Variants in MYO10 observed in about 807,000 individuals in gnomAD.
MYO10 encodes unconventional myosin-X.
MYO10 carries 133 observed loss-of-function variants against 257.3 expected under a neutral mutation model. The ratio of observed to expected loss-of-function variants is 0.52; its 90% CI spans 0.45 to 0.60. The LOEUF (loss-of-function observed/expected upper bound fraction) is 0.60. Among genes scored for constraint, MYO10 ranks in the 20% least tolerant of loss-of-function variants. The probability of loss-of-function intolerance (pLI) is 0.00; values close to 1 mark genes in which losing one functional copy is unlikely to be tolerated. For missense variants in MYO10, 2,399 were observed against 2,635.7 expected (o/e 0.91, Z 1.97); for synonymous variants, 1,104 against 1,028.6 (o/e 1.07, Z -1.40).
chr5:16,902,225 T>A (rs970181464), intron 1 of MYO10: 20 of 673,342 alleles, frequency 3.0e-5, no homozygotes, highest in South Asian at 1.8e-4. Context: ...TTTTTTTTTT[T>A]AAAGTACAAT....
At chr5:16,686,581 C>A (rs1213736400) in intron 28 of MYO10, among the ~76,000 whole-genome samples, 1 of 151,768 alleles carries the variant, frequency 6.6e-6, no homozygotes, top group African/African-American at 2.4e-5. Flanking sequence ...CTTGCCCAAG[C>A]TGGAGTACAA....
chr5:16,832,903 C>T (rs1743201148), intron 2 of MYO10, among the ~76,000 whole-genome samples: 1 of 152,168 alleles, frequency 6.6e-6, no homozygotes, highest in African/African-American at 2.4e-5. Context: ...AAACCAGAGT[C>T]AACCTAAAAT....
intron 1 of MYO10, among the ~76,000 whole-genome samples, chr5:16,925,980 G>C (rs1035609193): frequency 6.6e-6 from 1 of 152,146 alleles, no homozygotes; most frequent in Admixed American, 6.5e-5. Context: ...ACTCAGTAGA[G>C]TGGCTATGGT....
intron 3 of MYO10, among the ~76,000 whole-genome samples, chr5:16,795,346 G>A (rs552374695): frequency 5.9e-5 from 9 of 152,234 alleles, no homozygotes; most frequent in Non-Finnish European, 1.3e-4. Context: ...GCTCATGCCT[G>A]TAATCCCAGC....
At chr5:16,855,205 T>C (rs543076175) in intron 2 of MYO10, among the ~76,000 whole-genome samples, 84 of 152,278 alleles carry the variant, frequency 5.5e-4, no homozygotes, top group African/African-American at 2.0e-3. Context: ...AAGATAGCAA[T>C]GAGCCAATAA....
intron 2 of MYO10, among the ~76,000 whole-genome samples, chr5:16,862,168 A>C (rs776454779): frequency 1.3e-5 from 2 of 152,130 alleles, no homozygotes; most frequent in African/African-American, 2.4e-5. Flanking sequence ...GGGATTCCCT[A>C]ATGTCAGAAC....
Position 16,668,146 on chromosome 5 carries a change from C to T in MYO10, c.6075+131G>A, listed in dbSNP as rs929543545. The stretch of plus-strand genomic sequence containing the variant: ...ACCGGCAGCTGGAAAGGGACCACCA[C>T]ACTGTATTTTCGTGTTTTGAAGAAA... On this transcript the variant is annotated intron_variant, in intron 40 of 40. Coordinates refer to ENST00000513610, the MANE Select transcript of MYO10 (RefSeq NM_012334.3). The T allele has an allele frequency of 1.5e-5, 14 of 953,302 alleles. 1 individual carries two copies. Among genetic ancestry groups the T allele is most frequent in the South Asian group, 1.9e-5 (1 of 52,402 alleles). The allele number at this position is 953,302 out of a possible 1,614,324, so 59.1% of individuals were successfully genotyped here.
intron 28 of MYO10, among the ~76,000 whole-genome samples, chr5:16,688,211 GT>G (rs1377327762): frequency 3.3e-5 from 5 of 152,124 alleles, no homozygotes; most frequent in Admixed American, 3.3e-4. Context: ...AGGTTTGCTT[GT>G]TTTTCCAGTT....
chr5:16,730,503 G>C (rs868170916), intron 19 of MYO10, among the ~76,000 whole-genome samples: 9 of 152,280 alleles, frequency 5.9e-5, no homozygotes, highest in Admixed American at 2.0e-4. Flanking sequence ...CTTGTATATA[G>C]TTTAAAACTC....
intron 19 of MYO10, among the ~76,000 whole-genome samples, chr5:16,740,422 G>A (rs774758224): frequency 1.3e-5 from 2 of 152,120 alleles, no homozygotes; most frequent in Non-Finnish European, 2.9e-5. Flanking sequence ...GGTAGGGGAG[G>A]GAAGGGATTT....
At chr5:16,777,839 CTTTTTTTTT>C (rs61326508) in intron 9 of MYO10, among the ~76,000 whole-genome samples, 50 of 88,484 alleles carry the variant, frequency 5.7e-4, no homozygotes, top group African/African-American at 2.1e-3. Flanking sequence ...TTGCATCTAA[CTTTTTTTTT>C]TTTTTTTTTT....
intron 9 of MYO10, among the ~76,000 whole-genome samples, chr5:16,773,615 TCACACCACTGTGCTC>T (rs1741120563): frequency 6.8e-6 from 1 of 147,506 alleles, no homozygotes; most frequent in Non-Finnish European, 1.5e-5. Context: ...AGAGCCATTA[TCACACCACTGTGCTC>T]CAGCCTGGGC....
intron 1 of MYO10, among the ~76,000 whole-genome samples, chr5:16,933,734 A>G (rs937692766): frequency 1.3e-5 from 2 of 152,240 alleles, no homozygotes; most frequent in Non-Finnish European, 2.9e-5. Flanking sequence ...ATCTATGTTA[A>G]GAGTATGTCT....
At chr5:16,868,915 C>A (rs778359547) in intron 2 of MYO10, among the ~76,000 whole-genome samples, 1 of 152,104 alleles carries the variant, frequency 6.6e-6, no homozygotes, top group Non-Finnish European at 1.5e-5. Context: ...AACATTAGAA[C>A]GATCTCCTTG....
chr5:16,735,813 C>CTA (rs1739774348), intron 19 of MYO10, among the ~76,000 whole-genome samples: 1 of 152,136 alleles, frequency 6.6e-6, no homozygotes, highest in East Asian at 1.9e-4. Context: ...GCATCATGAA[C>CTA]TATGATCTGA....
chr5:16,763,404 T>C, intron 14 of MYO10, 77 bp downstream of exon 14: 1 of 1,147,038 alleles, frequency 8.7e-7, no homozygotes, highest in Non-Finnish European at 1.3e-6. Flanking sequence ...TTCGTGCACG[T>C]TATTTTGTTC....
At chr5:16,750,713 T>C (rs1490127809) in intron 19 of MYO10, among the ~76,000 whole-genome samples, 1 of 152,162 alleles carries the variant, frequency 6.6e-6, no homozygotes, top group Non-Finnish European at 1.5e-5. Flanking sequence ...AAGATACTTC[T>C]GACCAGGCTC....
At chr5:16,891,320 AAAGGAAGG>A (rs59008302) in intron 1 of MYO10, among the ~76,000 whole-genome samples, 5,941 of 87,702 alleles carry the variant, frequency 0.068, 198 homozygotes, top group East Asian at 0.13. Flanking sequence ...GGAGAAGAGA[AAAGGAAGG>A]AAGGAAGGAA....
intron 2 of MYO10, among the ~76,000 whole-genome samples, chr5:16,861,893 T>C (rs73062927): frequency 0.026 from 3,931 of 152,314 alleles, 174 homozygotes; most frequent in African/African-American, 0.09. Context: ...CTAGGCTCAA[T>C]TGCCATCTCA....
Sources: gnomAD v4.1 joint callset for allele counts (sites outside exome capture counted in the v4.1 genomes callset) on GRCh38, gnomAD v4.1.1 for gene constraint, MANE v1.5 for transcripts, NCBI Gene and HGNC (gene_info 2026-07-23, HGNC 2026-07-21) for gene names.